CEP85L: variants seen among roughly 807,000 people sequenced by gnomAD.
The protein encoded by CEP85L is centrosomal protein 85L, also known as centrosomal protein of 85 kDa-like.
A neutral mutation model predicts 100.3 loss-of-function variants in CEP85L; 60 were observed. That is an observed-to-expected ratio of 0.60 (90% confidence interval 0.49 to 0.74). CEP85L has a LOEUF of 0.74. Among genes scored for constraint, CEP85L ranks in the 30% least tolerant of loss-of-function variants. The pLI is 0.00. For synonymous variants in CEP85L, 319 were observed against 322.7 expected, an observed-to-expected ratio of 0.99 and a Z score of 0.12; for missense variants, 973 against 936.2, an observed-to-expected ratio of 1.04 and a Z score of -0.51.
At chr6:118,596,946 G>A (rs1258046782) in intron 2 of CEP85L, among the ~76,000 whole-genome samples, 7 of 152,078 alleles carry the variant, frequency 4.6e-5, no homozygotes, top group African/African-American at 9.7e-5. Flanking sequence ...CCCACATGTC[G>A]TGGGAGGGAC....
intron 1 of CEP85L, among the ~76,000 whole-genome samples, chr6:118,692,304 A>G (rs537939842): frequency 6.6e-6 from 1 of 152,316 alleles, no homozygotes; most frequent in South Asian, 2.1e-4. Flanking sequence ...TCTAACCTTC[A>G]GTAAAGCTTA....
intron 1 of CEP85L, among the ~76,000 whole-genome samples, chr6:118,666,901 A>G (rs1231490119): frequency 6.6e-6 from 1 of 152,208 alleles, no homozygotes; most frequent in East Asian, 1.9e-4. Flanking sequence ...GTCTGAAGGT[A>G]TAGACTAGAT....
At chr6:118,564,326 C>T (rs1259790799) in intron 3 of CEP85L, among the ~76,000 whole-genome samples, 6 of 152,190 alleles carry the variant, frequency 3.9e-5, no homozygotes, top group Non-Finnish European at 8.8e-5. Context: ...GCTGGAGAAA[C>T]AACTGCCTGG....
chr6:118,654,064 GCAA>G (rs1353533272), upstream of CEP85L, among the ~76,000 whole-genome samples: 2 of 152,152 alleles, frequency 1.3e-5, no homozygotes, highest in Non-Finnish European at 2.9e-5. Context: ...ATCAGATTGT[GCAA>G]ACATCATCTA....
intron 4 of CEP85L, among the ~76,000 whole-genome samples, chr6:118,512,092 G>A (rs1776005773): frequency 6.6e-6 from 1 of 152,046 alleles, no homozygotes; most frequent in African/African-American, 2.4e-5. Flanking sequence ...TCAAGGCATT[G>A]GGCCACCAGG....
Position 118,569,341 on chromosome 6 carries a change from CAAAAAAAAAAAAAAAAA to C in CEP85L, c.233-3042_233-3026del, listed in dbSNP as rs56123225. Among the ~76,000 whole-genome samples the C allele has an allele frequency of 1.0e-4, 7 of 68,214 alleles. No homozygotes were observed. The South Asian group carries it at 4.1e-3, about 40-fold the overall frequency. The allele number at this position is 68,214 out of a possible 152,430, so 44.8% of individuals were successfully genotyped here. On this transcript the variant is annotated intron_variant, in intron 2 of 12. Coordinates refer to ENST00000368491, the MANE Select transcript of CEP85L (RefSeq NM_001042475.3). ...TGGGTGACAAGGCTAGACTCTGTCT[CAAAAAAAAAAAAAAAAA>C]AAAAAAAAAAGGAGTAAAATATACA...
intron 7 of CEP85L, among the ~76,000 whole-genome samples, chr6:118,483,240 A>C (rs182239115): frequency 6.6e-6 from 1 of 152,196 alleles, no homozygotes; most frequent in Non-Finnish European, 1.5e-5. Context: ...TAAGGAAAAA[A>C]AAATAAATAA....
In CEP85L at chr6:118,566,263, T is replaced by A; in HGVS notation, c.286A>T (p.Thr96Ser). Residue 96 changes from threonine to serine, a missense_variant, in exon 3 of 13, where the codon ACT (threonine) becomes TCT (serine). Thr to Ser is a moderately conservative substitution (Grantham distance 58). Transcript: ENST00000368491. ...GGCATCACATGGGCAGTAGGAAGAG[T>A]AATCAATGATTGACTAGGCTTAAAA... The part of the protein sequence containing the change: ...LSFKPSQSLI[T>S]LPTAHVMPSN... 6.8e-6 allele frequency: 11 copies of A among 1,613,952 alleles called. No homozygotes were observed. The highest frequency in any genetic ancestry group is 9.3e-6 in the Non-Finnish European group (11 of 1,179,950).
chr6:118,507,841 A>G (rs970872422), intron 5 of CEP85L, among the ~76,000 whole-genome samples: 4 of 152,124 alleles, frequency 2.6e-5, no homozygotes, highest in African/African-American at 9.7e-5. Context: ...ATTAGCTTCT[A>G]TGTTCATAGC....
At position 118,685,542 on chromosome 6, in the gene CEP85L, A is replaced by G. The variant is rs542150310; in HGVS notation, c.-28+24494T>C. ...TAGTACAAGTAAACAAACTTTAAAA[A>G]TACAACAACAAGATTTTTATTTTTC... On this transcript the variant is annotated intron_variant, in intron 1 of 13. Transcript: ENST00000368488. Among the ~76,000 whole-genome samples the G allele has an allele frequency of 4.6e-5, 7 of 152,026 alleles. No homozygotes were observed. The South Asian group carries it at 1.5e-3, about 32-fold the overall frequency.
chr6:118,576,647 G>T (rs979934488), intron 2 of CEP85L, among the ~76,000 whole-genome samples: 2 of 152,084 alleles, frequency 1.3e-5, no homozygotes, highest in African/African-American at 4.8e-5. Context: ...TCTTGCATAT[G>T]GGGGGAATCC....
intron 1 of CEP85L, among the ~76,000 whole-genome samples, chr6:118,709,426 C>T (rs1207307031): frequency 1.3e-5 from 2 of 152,096 alleles, no homozygotes; most frequent in African/African-American, 4.8e-5. Flanking sequence ...GCGCATGCGG[C>T]TCCCCACTCG....
chr6:118,650,772 C>G lies in CEP85L; in HGVS notation c.73+425G>C, dbSNP rs561068459. On this transcript the variant is annotated intron_variant, in intron 1 of 12. Transcript: ENST00000368491. ...GGAGGGCGCGGAACTGCGGCCCCTC[C>G]GAGACGCGCCCGGGCCGCCGCCGCA... is the stretch of plus-strand genomic sequence containing the variant. Among the ~76,000 whole-genome samples the G allele has an allele frequency of 5.3e-5, 8 of 152,298 alleles. No individual in the cohort carries two copies. The South Asian group carries it at 1.7e-3, about 32-fold the overall frequency.
chr6:118,688,892 G>A (rs1776935534), intron 1 of CEP85L, among the ~76,000 whole-genome samples: 1 of 152,164 alleles, frequency 6.6e-6, no homozygotes, highest in African/African-American at 2.4e-5. Context: ...GCATGTGTGT[G>A]GACCACTTCC....
At chr6:118,686,748 C>T (rs1479041848) in intron 1 of CEP85L, among the ~76,000 whole-genome samples, 1 of 152,188 alleles carries the variant, frequency 6.6e-6, no homozygotes, top group Non-Finnish European at 1.5e-5. Context: ...GATCCACCTG[C>T]TCATGGAAAA....
At chr6:118,474,673 T>C (rs376049071) in intron 10 of CEP85L, among the ~76,000 whole-genome samples, 101 of 152,288 alleles carry the variant, frequency 6.6e-4, no homozygotes, top group African/African-American at 2.3e-3. Flanking sequence ...AATTTGTCAT[T>C]GTCCCCACAC....
At chr6:118,706,751 C>T (rs565131595) in intron 1 of CEP85L, among the ~76,000 whole-genome samples, 51 of 151,856 alleles carry the variant, frequency 3.4e-4, no homozygotes, top group Non-Finnish European at 4.3e-4. Context: ...TTTTCCTTTC[C>T]GTCCTCCTCA....
intron 5 of CEP85L, among the ~76,000 whole-genome samples, chr6:118,499,270 AAATT>A (rs1030302919): frequency 9.2e-5 from 14 of 152,336 alleles, no homozygotes; most frequent in African/African-American, 3.4e-4. Context: ...CAATGTTTGA[AAATT>A]AATTAAGGTA....
intron 11 of CEP85L, among the ~76,000 whole-genome samples, chr6:118,470,327 C>A (rs187000910): frequency 6.6e-6 from 1 of 151,826 alleles, no homozygotes; most frequent in South Asian, 2.1e-4. Flanking sequence ...TAAATATATA[C>A]TGTACTATAA....
Sources: gnomAD v4.1 joint callset for allele counts (sites outside exome capture counted in the v4.1 genomes callset) on GRCh38, gnomAD v4.1.1 for gene constraint, MANE v1.5 for transcripts, NCBI Gene and HGNC (gene_info 2026-07-23, HGNC 2026-07-21) for gene names.